The following NLGN1 variants were observed in gnomAD, a reference collection of about 807,000 sequenced individuals.
The protein encoded by NLGN1 is neuroligin-1.
NLGN1 carries 12 observed loss-of-function variants against 65.5 expected under a neutral mutation model. The ratio of observed to expected loss-of-function variants is 0.18; its 90% confidence interval spans 0.12 to 0.30. The LOEUF is 0.30. Among genes scored for constraint, NLGN1 ranks in the 10% least tolerant of loss-of-function variants. The probability of loss-of-function intolerance (pLI) is 1.00; values close to 1 mark genes in which losing one functional copy is unlikely to be tolerated. For missense variants in NLGN1, 750 were observed against 1,007.1 expected, an observed-to-expected ratio of 0.74 and a Z score of 3.46; for synonymous variants, 350 against 359.5, an observed-to-expected ratio of 0.97 and a Z score of 0.30.
rs370320758 is a variant in NLGN1 at position 173,522,379 on chromosome 3, T to C, written c.-320-81900T>C. 3.2e-4 allele frequency among the ~76,000 whole-genome samples: 48 copies of C among 152,326 alleles called. No homozygotes were observed. The East Asian group carries it at 6.0e-3, about 19-fold the overall frequency. ...ACTGATGGACACTTAGATACTTAGA[T>C]TGGATCACTTTACTCTTGCAAATAG... On this transcript the variant is annotated intron_variant, in intron 2 of 6. Coordinates refer to ENST00000457714, the Ensembl canonical transcript of NLGN1.
chr3:174,094,439 C>CTT (rs201306995), intron 4 of NLGN1, among the ~76,000 whole-genome samples: 3 of 144,314 alleles, frequency 2.1e-5, no homozygotes, highest in Non-Finnish European at 3.1e-5. Context: ...AATTCGTAAA[C>CTT]TTTTTTTTTT....
chr3:173,467,331 A>C (rs1437709062), intron 2 of NLGN1, among the ~76,000 whole-genome samples: 1 of 152,074 alleles, frequency 6.6e-6, no homozygotes, highest in East Asian at 1.9e-4. Flanking sequence ...CATTTTTCAT[A>C]ATTATAATGT....
chr3:173,636,989 T>A (rs920125928), intron 3 of NLGN1, among the ~76,000 whole-genome samples: 4 of 152,184 alleles, frequency 2.6e-5, no homozygotes, highest in African/African-American at 7.2e-5. Flanking sequence ...AACTTTATTG[T>A]GCAAAGTGCA....
intron 4 of NLGN1, among the ~76,000 whole-genome samples, chr3:174,125,854 C>T (rs1034307446): frequency 7.9e-5 from 12 of 151,974 alleles, no homozygotes; most frequent in African/African-American, 2.7e-4. Flanking sequence ...AGAGAGTAGT[C>T]GTCGGTCACT....
At chr3:173,918,658 ATATG>A (rs1213579824) in intron 4 of NLGN1, among the ~76,000 whole-genome samples, 14 of 84,596 alleles carry the variant, frequency 1.7e-4, no homozygotes, top group African/African-American at 5.8e-4. Context: ...AAAGAAATAC[ATATG>A]TGTGTGTGTG....
chr3:173,607,101 G>GT, intron 3 of NLGN1, among the ~76,000 whole-genome samples: 1 of 152,036 alleles, frequency 6.6e-6, no homozygotes, highest in Non-Finnish European at 1.5e-5. Flanking sequence ...GCACCAAAAG[G>GT]TAAGCTAGTG....
chr3:174,288,962 G>A (rs1215417351), downstream of NLGN1, among the ~76,000 whole-genome samples: 2 of 151,288 alleles, frequency 1.3e-5, no homozygotes, highest in African/African-American at 4.8e-5. Flanking sequence ...GTATGTTCAG[G>A]ATATTAAATA....
chr3:174,199,896 A>G (rs772395705), intron 4 of NLGN1, among the ~76,000 whole-genome samples: 18 of 152,212 alleles, frequency 1.2e-4, no homozygotes, highest in Non-Finnish European at 1.8e-4. Flanking sequence ...GGAGGAAATA[A>G]ATACCATAGG....
chr3:174,080,922 G>GGTGTGTGT (rs571057944), intron 4 of NLGN1, among the ~76,000 whole-genome samples: 5,605 of 141,214 alleles, frequency 0.04, 306 homozygotes, highest in African/African-American at 0.12. Context: ...TGACATTCCT[G>GGTGTGTGT]GTGTGTGTGT....
chr3:173,604,879 G>A (rs1415055084), exon 3 of NLGN1: 3 of 1,613,536 alleles, frequency 1.9e-6, no homozygotes, highest in African/African-American at 1.3e-5. Flanking sequence ...GGGGAACGTC[G>A]TTTTCAGCCT....
intron 4 of NLGN1, among the ~76,000 whole-genome samples, chr3:174,216,563 GAA>G (rs1737656693): frequency 6.6e-6 from 1 of 152,072 alleles, no homozygotes; most frequent in South Asian, 2.1e-4. Flanking sequence ...TTCTGAAATA[GAA>G]AAGACTGTAT....
Position 173,570,764 on chromosome 3 carries a change from C to T in NLGN1, c.-320-33515C>T, listed in dbSNP as rs534459366. ...TGTCACCCCAGCTGGAGTGCAGTGGCGTGATCTTGGCTTACTGCAGCCTCC... is the reference window on the plus strand; with the variant it reads ...TGTCACCCCAGCTGGAGTGCAGTGGTGTGATCTTGGCTTACTGCAGCCTCC... On this transcript the variant is annotated intron_variant, in intron 2 of 6. Transcript: ENST00000457714. 2.0e-5 allele frequency among the ~76,000 whole-genome samples: 3 copies of T among 152,266 alleles called. No homozygotes were observed. In the South Asian group the frequency reaches 6.2e-4, roughly 32 times the overall value.
chr3:173,607,812 TGAATGATGGTTCAG>T (rs1293557112), intron 3 of NLGN1, among the ~76,000 whole-genome samples: 1 of 151,630 alleles, frequency 6.6e-6, no homozygotes, highest in African/African-American at 2.4e-5. Flanking sequence ...CAGGACTTTA[TGAATGATGGTTCAG>T]GAACTGTGAG....
chr3:173,413,288 A>G (rs1712981430), intron 1 of NLGN1, among the ~76,000 whole-genome samples: 1 of 151,920 alleles, frequency 6.6e-6, no homozygotes, highest in Non-Finnish European at 1.5e-5. Context: ...CCATCTACCT[A>G]TTTTATTTTA....
At chr3:174,275,823 G>T (rs896505381) in intron 5 of NLGN1, among the ~76,000 whole-genome samples, 3 of 151,818 alleles carry the variant, frequency 2.0e-5, no homozygotes, top group African/African-American at 7.3e-5. Context: ...AGACAAAGAC[G>T]TTCTACAGTT....
At chr3:173,512,844 C>A (rs1482742840) in intron 2 of NLGN1, among the ~76,000 whole-genome samples, 1 of 152,086 alleles carries the variant, frequency 6.6e-6, no homozygotes, top group Non-Finnish European at 1.5e-5. Flanking sequence ...TTTAGTATGT[C>A]TTGTAATTTT....
At chr3:173,398,380 A>G (rs1009264528), upstream of NLGN1, 1 of 152,218 alleles carries the variant, frequency 6.6e-6, no homozygotes, top group Non-Finnish European at 1.5e-5. Context: ...GCGTTGAGCA[A>G]CTAATATATT....
intron 4 of NLGN1, among the ~76,000 whole-genome samples, chr3:173,856,988 A>G (rs1728108800): frequency 1.3e-5 from 2 of 151,038 alleles, no homozygotes; most frequent in African/African-American, 4.9e-5. Context: ...GAAGCTGGAA[A>G]GGCACCTTTG....
intron 2 of NLGN1, among the ~76,000 whole-genome samples, chr3:173,575,799 T>G (rs1441481586): frequency 6.6e-6 from 1 of 152,202 alleles, no homozygotes; most frequent in Non-Finnish European, 1.5e-5. Flanking sequence ...TTTTTAAATA[T>G]AATTCTCAAA....
Sources: gnomAD v4.1 joint callset for allele counts (sites outside exome capture counted in the v4.1 genomes callset) on GRCh38, gnomAD v4.1.1 for gene constraint, MANE v1.5 for transcripts, NCBI Gene and HGNC (gene_info 2026-07-23, HGNC 2026-07-21) for gene names.